Variants in NUCB2 observed in about 807,000 individuals in gnomAD.
The protein encoded by NUCB2 is nucleobindin-2.
A neutral mutation model predicts 57.9 loss-of-function variants in NUCB2; 48 were observed. That is an observed-to-expected ratio of 0.83 (90% CI 0.66 to 1.05). The LOEUF (loss-of-function observed/expected upper bound fraction) is 1.05, where lower values mean the gene tolerates loss of function less well. NUCB2 is among the 50% of genes least tolerant of loss of function. The pLI, the probability that NUCB2 is intolerant of heterozygous loss-of-function variation, is 0.00. For missense variants in NUCB2, 442 were observed against 476.2 expected (o/e 0.93, Z 0.67); for synonymous variants, 139 against 152.1 (o/e 0.91, Z 0.64).
At chr11:17,331,353 A>G (rs1468931497) in intron 13 of NUCB2, 59 bp from the exon 14 acceptor site, 7 of 993,358 alleles carry the variant, frequency 7.0e-6, no homozygotes, top group East Asian at 2.8e-5. Flanking sequence ...TATATGAAGG[A>G]ACATTTAGAA....
chr11:17,340,114 C>T (rs931841335), intron 2 of NUCB2, among the ~76,000 whole-genome samples: 1 of 152,224 alleles, frequency 6.6e-6, no homozygotes, highest in Non-Finnish European at 1.5e-5. Flanking sequence ...TGATGATGAG[C>T]ATTTGTTCAT....
intron 7 of NUCB2, 33 bp from the exon 8 acceptor site, chr11:17,311,160 T>C (rs1285834879): frequency 6.5e-7 from 1 of 1,538,014 alleles, no homozygotes; most frequent in Non-Finnish European, 8.8e-7. Context: ...GATTATATTT[T>C]GTTTTGAGCA....
intron 11 of NUCB2, among the ~76,000 whole-genome samples, chr11:17,324,020 T>G (rs999705731): frequency 1.1e-4 from 17 of 152,198 alleles, no homozygotes; most frequent in African/African-American, 4.1e-4. Context: ...AACCAACTTT[T>G]TGTTTCATTG....
chr11:17,347,071 G>A (rs906176575), intron 2 of NUCB2, among the ~76,000 whole-genome samples: 7 of 152,206 alleles, frequency 4.6e-5, no homozygotes, highest in South Asian at 2.1e-4. Context: ...TCGGGGCACA[G>A]CTTGGTTTTA....
intron 8 of NUCB2, 35 bp from the exon 9 acceptor site, chr11:17,311,837 A>C (rs751502108): frequency 4.4e-6 from 6 of 1,370,366 alleles, no homozygotes; most frequent in Admixed American, 2.1e-5. Context: ...AAGTTATTAA[A>C]ATCTATTTTT....
chr11:17,339,712 ATGGTGTATATG>A (rs549770659), intron 2 of NUCB2, among the ~76,000 whole-genome samples: 4,975 of 152,024 alleles, frequency 0.033, 272 homozygotes, highest in African/African-American at 0.12. Context: ...ATAGTATTCC[ATGGTGTATATG>A]TGTCACATTT....
At chr11:17,323,713 G>T (rs559168789) in intron 11 of NUCB2, among the ~76,000 whole-genome samples, 2 of 152,188 alleles carry the variant, frequency 1.3e-5, no homozygotes, top group Admixed American at 1.3e-4. Flanking sequence ...GCATTTTTTT[G>T]CTGGGTGACT....
Position 17,311,173 on chromosome 11 carries a change from T to A in NUCB2, c.670-20T>A. 1 of 1,573,952 alleles carries A rather than the reference T, an allele frequency of 6.4e-7. No homozygotes were observed. The highest frequency in any genetic ancestry group is 8.6e-7 in the Non-Finnish European group (1 of 1,162,034). On this transcript the variant is annotated intron_variant, in intron 7 of 13. Coordinates refer to ENST00000529010, the MANE Select transcript of NUCB2 (RefSeq NM_005013.4). Reference sequence around the variant, plus strand: ...TAGATTATATTTTGTTTTGAGCAATTTTTTAAAATTGGTTCACAGGGAAGC... The same window carrying A: ...TAGATTATATTTTGTTTTGAGCAATATTTTAAAATTGGTTCACAGGGAAGC...
chr11:17,330,232 A>C lies in NUCB2; in HGVS notation c.1108A>C (p.Lys370Gln), dbSNP rs769607384. 5 of 1,612,014 alleles carry C rather than the reference A, an allele frequency of 3.1e-6. No homozygotes were observed. In the South Asian group the frequency reaches 3.3e-5, roughly 11 times the overall value. Reference protein sequence around the residue: ...ELKKKADELQKQKEELQRQHD... With the variant: ...ELKKKADELQQQKEELQRQHD... ...TAAGAAGAAGGCAGATGAGCTTCAG[A>C]AACAAAAAGAAGAGCTACAACGTCA... Residue 370 changes from lysine (K) to glutamine (Q), a missense_variant, in exon 12 of 14, where the codon AAA becomes CAA. Coordinates refer to ENST00000529010, the MANE Select transcript of NUCB2 (RefSeq NM_005013.4). The surrounding 1 kb of genome is among the most constrained non-coding windows in gnomAD (Gnocchi z 4.3).
At chr11:17,296,032 CA>C (rs1945768930) in intron 3 of NUCB2, 71 bp from the exon 4 acceptor site, 1 of 754,038 alleles carries the variant, frequency 1.3e-6, no homozygotes, top group African/African-American at 1.8e-5. Context: ...AATTGTTTCA[CA>C]GGATTGACCT....
chr11:17,336,642 T>C (rs912247944), downstream of NUCB2, among the ~76,000 whole-genome samples: 3 of 150,048 alleles, frequency 2.0e-5, no homozygotes, highest in Non-Finnish European at 4.4e-5. Flanking sequence ...TAGTCCCAGC[T>C]ACTCGGGAGG....
intron 11 of NUCB2, among the ~76,000 whole-genome samples, chr11:17,320,868 A>G (rs1056306010): frequency 2.0e-5 from 3 of 152,194 alleles, no homozygotes; most frequent in African/African-American, 4.8e-5. Context: ...TTTCTTGAGT[A>G]TGTGAAACAT....
intron 2 of NUCB2, among the ~76,000 whole-genome samples, chr11:17,293,435 A>T (rs553833140): frequency 1.3e-5 from 2 of 152,174 alleles, no homozygotes; most frequent in African/African-American, 4.8e-5. Flanking sequence ...ACCCTCATTT[A>T]TAGGTGGTGA....
chr11:17,313,445 G>A (rs1444239860), intron 10 of NUCB2, among the ~76,000 whole-genome samples: 1 of 151,982 alleles, frequency 6.6e-6, no homozygotes, highest in East Asian at 1.9e-4. Flanking sequence ...CATGAGAATC[G>A]CTTGAACCCA....
chr11:17,280,469 A>C (rs1052135324), intron 1 of NUCB2, among the ~76,000 whole-genome samples: 1 of 152,206 alleles, frequency 6.6e-6, no homozygotes, highest in Non-Finnish European at 1.5e-5. Flanking sequence ...GTGGCCTTTG[A>C]AACTGGTGCC....
chr11:17,325,883 A>G (rs1247617434), intron 11 of NUCB2, among the ~76,000 whole-genome samples: 1 of 152,180 alleles, frequency 6.6e-6, no homozygotes, highest in Non-Finnish European at 1.5e-5. Context: ...ATAATATTTT[A>G]TAACCCATTA....
intron 2 of NUCB2, among the ~76,000 whole-genome samples, chr11:17,288,552 C>CTTTTTTTTTTTTTTTTTTTTTTTTT (rs1362783048): frequency 3.0e-5 from 3 of 101,190 alleles, no homozygotes; most frequent in Non-Finnish European, 5.4e-5. Context: ...TCTTCTTCTT[C>CTTTTTTTTTTTTTTTTTTTTTTTTT]TTTTTTTTTT....
At chr11:17,305,793 C>CT (rs907767088) in intron 5 of NUCB2, among the ~76,000 whole-genome samples, 64 of 146,700 alleles carry the variant, frequency 4.4e-4, no homozygotes, top group Middle Eastern at 3.5e-3. Flanking sequence ...GGCTAATTTT[C>CT]TTTTTTTTTT....
chr11:17,340,689 G>T (rs947219872), intron 2 of NUCB2, among the ~76,000 whole-genome samples: 4 of 152,162 alleles, frequency 2.6e-5, no homozygotes, highest in Non-Finnish European at 4.4e-5. Flanking sequence ...TGAGGGCTCT[G>T]TTCTTTTCCA....
Sources: allele counts gnomAD v4.1 joint callset (sites outside exome capture counted in the v4.1 genomes callset), GRCh38; gene constraint gnomAD v4.1.1; non-coding constraint Gnocchi (gnomAD v3.1); transcripts MANE v1.5; gene names NCBI Gene and HGNC (gene_info 2026-07-23, HGNC 2026-07-21).